Variants in SCMH1 observed in about 807,000 individuals in gnomAD.
SCMH1 encodes the protein Scm polycomb group protein homolog 1.
In SCMH1, 37 loss-of-function variants were observed where a neutral mutation model predicts 70.8. That is an observed-to-expected ratio of 0.52 (90% CI 0.40 to 0.69). SCMH1 has a LOEUF of 0.69. Ranked by LOEUF, SCMH1 falls within the 30% of genes least tolerant of loss-of-function variation. The probability of loss-of-function intolerance (pLI) is 0.00; values close to 1 mark genes in which losing one functional copy is unlikely to be tolerated. For missense variants in SCMH1, 607 were observed against 827.3 expected, an observed-to-expected ratio of 0.73 and a Z score of 3.27; for synonymous variants, 292 against 307.4, an observed-to-expected ratio of 0.95 and a Z score of 0.52.
At chr1:41,227,133 T>A (rs1204761153) in intron 1 of SCMH1, among the ~76,000 whole-genome samples, 1 of 152,224 alleles carries the variant, frequency 6.6e-6, no homozygotes, top group Admixed American at 6.5e-5. Flanking sequence ...TCCCTTGTGG[T>A]CTACATGACA....
At chr1:41,172,476 G>A (rs570603008) in intron 2 of SCMH1, among the ~76,000 whole-genome samples, 2 of 152,114 alleles carry the variant, frequency 1.3e-5, no homozygotes, top group South Asian at 4.2e-4. Flanking sequence ...TCATGGATTG[G>A]AAGGCTTAAT....
At position 41,037,531 on chromosome 1, in the gene SCMH1, A is replaced by G. The variant is rs766486925; in HGVS notation, c.1509T>C (p.Phe503=). ...AGCGGGCCAGACTATTCCCCAGGAC[A>G]AAGGTTTCACCTGAAAAACAGTAAA... Residue 503 remains phenylalanine (F), a synonymous_variant, in exon 13 of 15, where the codon TTT becomes TTC. Coordinates refer to ENST00000337495, the Ensembl canonical transcript of SCMH1. The G allele has an allele frequency of 9.9e-6, 16 of 1,613,844 alleles. No individual in the cohort carries two copies. In the African/African-American group the frequency reaches 2.0e-4, roughly 20 times the overall value.
intron 2 of SCMH1, among the ~76,000 whole-genome samples, chr1:41,168,769 T>C (rs1345482922): frequency 6.6e-6 from 1 of 151,700 alleles, no homozygotes; most frequent in Non-Finnish European, 1.5e-5. Context: ...CACCAATCCA[T>C]CCAGCCAAAA....
chr1:41,067,816 G>A (rs1371315398), intron 10 of SCMH1, among the ~76,000 whole-genome samples: 4 of 152,156 alleles, frequency 2.6e-5, no homozygotes, highest in African/African-American at 7.2e-5. Context: ...TGATAATAAC[G>A]AGTCAATGTA....
intron 10 of SCMH1, among the ~76,000 whole-genome samples, chr1:41,065,950 C>T (rs1654448311): frequency 6.6e-6 from 1 of 152,204 alleles, no homozygotes; most frequent in South Asian, 2.1e-4. Flanking sequence ...ACCCTGTTCA[C>T]ATCCCAGTTT....
chr1:41,037,801 C>G (rs1316584657), intron 12 of SCMH1, among the ~76,000 whole-genome samples: 1 of 152,144 alleles, frequency 6.6e-6, no homozygotes, highest in Admixed American at 6.5e-5. Context: ...TCTAGATGCC[C>G]TATGCTTTTT....
At chr1:41,169,315 G>A (rs1303158154) in intron 2 of SCMH1, among the ~76,000 whole-genome samples, 1 of 152,218 alleles carries the variant, frequency 6.6e-6, no homozygotes, top group Non-Finnish European at 1.5e-5. Flanking sequence ...CCGAATGTAA[G>A]TTCATTAGAA....
In SCMH1 at chr1:41,241,649, C is replaced by A. The variant is rs535381882; in HGVS notation, c.-118+410G>T. Among the ~76,000 whole-genome samples the A allele has an allele frequency of 1.7e-4, 26 of 152,162 alleles. No homozygotes were observed. The South Asian group carries it at 5.0e-3, about 29-fold the overall frequency. On this transcript the variant is annotated intron_variant, in intron 1 of 14. Coordinates refer to ENST00000337495, the Ensembl canonical transcript of SCMH1. ...GGTCGCGCCGCCGCCCGGCCCTCGG[C>A]CCCCAGCCAGCCTGCCCCGGCCCAC...
At chr1:41,123,722 G>GC (rs1350578729) in intron 6 of SCMH1, among the ~76,000 whole-genome samples, 1 of 152,176 alleles carries the variant, frequency 6.6e-6, no homozygotes, top group Admixed American at 6.5e-5. Flanking sequence ...GAGAAGAGTG[G>GC]CAGCTTTGAG....
chr1:41,073,815 G>A (rs1229454613), intron 9 of SCMH1, among the ~76,000 whole-genome samples: 1 of 152,306 alleles, frequency 6.6e-6, no homozygotes, highest in East Asian at 1.9e-4. Context: ...AAGGACTGAA[G>A]TCAGTGAAAG....
At chr1:41,157,609 G>A (rs1053487953) in intron 4 of SCMH1, among the ~76,000 whole-genome samples, 1 of 152,232 alleles carries the variant, frequency 6.6e-6, no homozygotes, top group African/African-American at 2.4e-5. Context: ...ATCCTGATAT[G>A]AGAAAGGTCT....
chr1:41,143,480 G>A (rs1466915818), intron 5 of SCMH1, among the ~76,000 whole-genome samples: 2 of 151,924 alleles, frequency 1.3e-5, no homozygotes, highest in Non-Finnish European at 2.9e-5. Context: ...TATTCTTAGT[G>A]TCTCTTTGTG....
chr1:41,165,396 T>C (rs1249935025), intron 2 of SCMH1, among the ~76,000 whole-genome samples: 1 of 152,124 alleles, frequency 6.6e-6, no homozygotes, highest in African/African-American at 2.4e-5. Context: ...CCTTTGGGGA[T>C]ATAGCCAGTA....
chr1:41,117,114 G>A (rs937459667), intron 6 of SCMH1, 104 bp from the exon 7 acceptor site: 1 of 678,690 alleles, frequency 1.5e-6, no homozygotes, highest in Non-Finnish European at 2.4e-6. Context: ...CCGAGGGCAC[G>A]AGCTCTTCCA....
At chr1:41,167,660 T>TG (rs2148478605) in intron 2 of SCMH1, among the ~76,000 whole-genome samples, 1 of 152,306 alleles carries the variant, frequency 6.6e-6, no homozygotes, top group East Asian at 1.9e-4. Flanking sequence ...GGCTTATAAC[T>TG]GTTCATAGTA....
intron 10 of SCMH1, among the ~76,000 whole-genome samples, chr1:41,069,663 T>C (rs563733150): frequency 6.6e-6 from 1 of 152,336 alleles, no homozygotes; most frequent in South Asian, 2.1e-4. Context: ...ACTAATCCTA[T>C]CATTGTATAG....
chr1:41,167,545 T>C lies in SCMH1; in HGVS notation c.14-6113A>G, dbSNP rs190290505. ...CTTTTAATTACTGATTGAATCTCAT[T>C]ACTCATAACTGGACTATTCAGATTT... On this transcript the variant is annotated intron_variant, in intron 2 of 14. Coordinates refer to ENST00000337495, the Ensembl canonical transcript of SCMH1. Among the ~76,000 whole-genome samples the C allele has an allele frequency of 2.6e-3, 394 of 152,268 alleles. 2 individuals carry two copies. The highest frequency in any genetic ancestry group is 9.2e-3 in the African/African-American group (381 of 41,564).
chr1:41,145,896 C>A (rs777694114), intron 5 of SCMH1, among the ~76,000 whole-genome samples: 1 of 152,170 alleles, frequency 6.6e-6, no homozygotes, highest in Admixed American at 6.5e-5. Flanking sequence ...CAATTATGTA[C>A]AGTACATAAT....
At chr1:41,029,128 G>A (rs1558256366) in intron 13 of SCMH1, among the ~76,000 whole-genome samples, 2 of 152,100 alleles carry the variant, frequency 1.3e-5, no homozygotes, top group Admixed American at 6.5e-5. Flanking sequence ...TCCTTGGCAC[G>A]TGGGCAAAAA....
Sources: gnomAD v4.1 joint callset for allele counts (sites outside exome capture counted in the v4.1 genomes callset) on GRCh38, gnomAD v4.1.1 for gene constraint, MANE v1.5 for transcripts, NCBI Gene and HGNC (gene_info 2026-07-23, HGNC 2026-07-21) for gene names.